The following RNF13 variants were observed in gnomAD, a reference collection of about 807,000 sequenced individuals.
The protein encoded by RNF13 is ring finger protein 13.
RNF13 carries 19 observed loss-of-function variants against 37.7 expected under a neutral mutation model. That is an observed-to-expected ratio of 0.50 (90% confidence interval 0.35 to 0.74). The LOEUF (loss-of-function observed/expected upper bound fraction) is 0.74. Among genes scored for constraint, RNF13 ranks in the 30% least tolerant of loss-of-function variants. The pLI is 0.01. For synonymous variants in RNF13, 144 were observed against 157.8 expected, an observed-to-expected ratio of 0.91 and a Z score of 0.65; for missense variants, 375 against 453.0, an observed-to-expected ratio of 0.83 and a Z score of 1.56.
intron 8 of RNF13, among the ~76,000 whole-genome samples, chr3:149,950,151 T>C (rs1188727495): frequency 2.6e-5 from 4 of 152,214 alleles, no homozygotes; most frequent in Admixed American, 2.0e-4. Flanking sequence ...TTCTCAGAAT[T>C]TCCATCTCTT....
At chr3:149,939,998 A>G (rs2108576985) in intron 8 of RNF13, among the ~76,000 whole-genome samples, 1 of 152,226 alleles carries the variant, frequency 6.6e-6, no homozygotes, top group Non-Finnish European at 1.5e-5. Flanking sequence ...CATATTTAGG[A>G]CATAGATATT....
intron 7 of RNF13, among the ~76,000 whole-genome samples, chr3:149,919,056 A>G (rs1440328977): frequency 1.3e-5 from 2 of 152,084 alleles, no homozygotes; most frequent in Non-Finnish European, 2.9e-5. Context: ...TAAATTTGCA[A>G]TAATAACTTT....
chr3:149,891,403 T>C (rs1036235314), intron 4 of RNF13, among the ~76,000 whole-genome samples: 10 of 152,228 alleles, frequency 6.6e-5, no homozygotes, highest in South Asian at 6.2e-4. Flanking sequence ...AGAAATAAGA[T>C]GAATTATTGT....
chr3:149,881,315 T>A (rs1713366613), intron 4 of RNF13, among the ~76,000 whole-genome samples: 1 of 152,122 alleles, frequency 6.6e-6, no homozygotes, highest in African/African-American at 2.4e-5. Flanking sequence ...ATGATGCCAT[T>A]GGAAAAAATA....
intron 4 of RNF13, among the ~76,000 whole-genome samples, chr3:149,881,244 A>G (rs1327576634): frequency 6.6e-6 from 1 of 152,224 alleles, no homozygotes; most frequent in Non-Finnish European, 1.5e-5. Flanking sequence ...TAATTTTAGT[A>G]GTAAATTGTG....
chr3:149,961,279 C>T lies in RNF13; in HGVS notation c.*175C>T. 1.5e-6 allele frequency: 1 copy of T among 681,136 alleles called. No homozygotes were observed. The highest frequency in any genetic ancestry group is 2.6e-6 in the Non-Finnish European group (1 of 385,836). 42.2% of individuals were successfully genotyped at this position (681,136 alleles called of 1,614,324 possible). A position where few individuals can be genotyped will look rare whatever the true frequency, so the allele number is the denominator to read the frequency against. ...CTGGTATTTATCTGCCAAGAATATACTTCATTCACTAATAATAGACTGGTG... is the reference window on the plus strand; with the variant it reads ...CTGGTATTTATCTGCCAAGAATATATTTCATTCACTAATAATAGACTGGTG... On this transcript the variant is annotated 3_prime_UTR_variant, in exon 10 of 10. Transcript: ENST00000392894.
chr3:149,897,890 A>G (rs1233936464), intron 5 of RNF13, among the ~76,000 whole-genome samples: 1 of 152,142 alleles, frequency 6.6e-6, no homozygotes, highest in Non-Finnish European at 1.5e-5. Context: ...GGAATATACC[A>G]ATTTTTATTT....
At chr3:149,890,352 TTTCTA>T in intron 4 of RNF13, among the ~76,000 whole-genome samples, 1 of 152,294 alleles carries the variant, frequency 6.6e-6, no homozygotes, top group South Asian at 2.1e-4. Context: ...CAAGTCTACT[TTTCTA>T]AAGAGCCTTC....
chr3:149,843,120 T>C (rs1378512804), intron 1 of RNF13, among the ~76,000 whole-genome samples: 1 of 152,198 alleles, frequency 6.6e-6, no homozygotes, highest in Non-Finnish European at 1.5e-5. Context: ...CTATTTTTCT[T>C]GTCATTATTC....
chr3:149,831,688 T>C (rs1933391235), intron 1 of RNF13, among the ~76,000 whole-genome samples: 1 of 152,086 alleles, frequency 6.6e-6, no homozygotes, highest in African/African-American at 2.4e-5. Flanking sequence ...TTTGGGGGAC[T>C]GTTGGGAAGG....
intron 4 of RNF13, among the ~76,000 whole-genome samples, chr3:149,875,174 T>C (rs1372644659): frequency 1.3e-5 from 2 of 152,088 alleles, no homozygotes; most frequent in African/African-American, 4.8e-5. Context: ...AATACTACAA[T>C]TGATGGTAGT....
At chr3:149,923,955 G>A (rs2108542873) in intron 8 of RNF13, among the ~76,000 whole-genome samples, 1 of 152,220 alleles carries the variant, frequency 6.6e-6, no homozygotes, top group East Asian at 1.9e-4. Context: ...TAGGTTATTA[G>A]ATGGCAAAGG....
At chr3:149,916,847 G>T (rs951820166) in intron 7 of RNF13, among the ~76,000 whole-genome samples, 1 of 151,964 alleles carries the variant, frequency 6.6e-6, no homozygotes, top group African/African-American at 2.4e-5. Flanking sequence ...GGGTTGTATG[G>T]CTTTTCTTTT....
intron 3 of RNF13, among the ~76,000 whole-genome samples, chr3:149,859,071 A>G (rs779444414): frequency 6.6e-6 from 1 of 152,210 alleles, no homozygotes. Context: ...TTTTCCTCTC[A>G]GAACACTTAC....
At chr3:149,954,874 A>G (rs1233219089) in intron 8 of RNF13, among the ~76,000 whole-genome samples, 1 of 152,162 alleles carries the variant, frequency 6.6e-6, no homozygotes, top group African/African-American at 2.4e-5. Flanking sequence ...TTCAAGCAAA[A>G]TGTGGTTTCC....
At chr3:149,815,996 G>T (rs1167909892) in intron 1 of RNF13, among the ~76,000 whole-genome samples, 2 of 151,940 alleles carry the variant, frequency 1.3e-5, no homozygotes, top group African/African-American at 4.8e-5. Context: ...GTGCTCAAGG[G>T]ATCCTCCTAT....
At chr3:149,923,742 G>A (rs1718377217) in intron 8 of RNF13, among the ~76,000 whole-genome samples, 1 of 148,748 alleles carries the variant, frequency 6.7e-6, no homozygotes, top group African/African-American at 2.5e-5. Context: ...ATCCAGCCTG[G>A]TGGCAGAGCA....
intron 8 of RNF13, among the ~76,000 whole-genome samples, chr3:149,924,808 C>T (rs1485409143): frequency 6.6e-6 from 1 of 152,142 alleles, no homozygotes; most frequent in African/African-American, 2.4e-5. Flanking sequence ...GAAATAACAG[C>T]ATGTTTGTTT....
chr3:149,932,174 A>G (rs1386398039), intron 8 of RNF13, among the ~76,000 whole-genome samples: 2 of 152,004 alleles, frequency 1.3e-5, no homozygotes, highest in African/African-American at 4.8e-5. Flanking sequence ...CAATATACTG[A>G]TTTTCCTTTC....
Sources: allele counts gnomAD v4.1 joint callset (sites outside exome capture counted in the v4.1 genomes callset), GRCh38; gene constraint gnomAD v4.1.1; transcripts MANE v1.5; gene names NCBI Gene and HGNC (gene_info 2026-07-23, HGNC 2026-07-21).